THSD4: variants seen among roughly 807,000 people sequenced by gnomAD.
THSD4 encodes thrombospondin type 1 domain containing 4, also known as thrombospondin type-1 domain-containing protein 4.
A neutral mutation model predicts 119.0 loss-of-function variants in THSD4; 69 were observed. The observed-to-expected ratio is 0.58, with a 90% CI of 0.48 to 0.71. The LOEUF (loss-of-function observed/expected upper bound fraction) is 0.71, where lower values mean the gene tolerates loss of function less well. Ranked by LOEUF, THSD4 falls within the 30% of genes least tolerant of loss-of-function variation. The pLI, the probability that THSD4 is intolerant of heterozygous loss-of-function variation, is 0.00. For synonymous variants in THSD4, 524 were observed against 540.4 expected (o/e 0.97, Z 0.42); for missense variants, 1,393 against 1,391.1 (o/e 1.00, Z -0.02).
intron 7 of THSD4, among the ~76,000 whole-genome samples, chr15:71,548,250 T>C (rs778051755): frequency 1.3e-5 from 2 of 152,178 alleles, no homozygotes; most frequent in Admixed American, 1.3e-4. Flanking sequence ...ATTTCCCTCA[T>C]CCACTCCTTT....
intron 14 of THSD4, among the ~76,000 whole-genome samples, chr15:71,752,849 T>G (rs528500106): frequency 6.6e-6 from 1 of 152,356 alleles, no homozygotes; most frequent in East Asian, 1.9e-4. Flanking sequence ...GTTCAGCCCC[T>G]GGAATGACCA....
intron 6 of THSD4, among the ~76,000 whole-genome samples, chr15:71,268,623 A>G (rs1442431307): frequency 7.1e-6 from 1 of 141,220 alleles, no homozygotes; most frequent in East Asian, 2.0e-4. Context: ...GAACTGAAGG[A>G]GATAGAGACA....
intron 3 of THSD4, among the ~76,000 whole-genome samples, chr15:71,200,712 A>G (rs767174715): frequency 1.3e-5 from 2 of 152,196 alleles, no homozygotes; most frequent in Admixed American, 6.5e-5. Context: ...ATATTTTAGT[A>G]AACTTTATAG....
intron 6 of THSD4, among the ~76,000 whole-genome samples, chr15:71,354,459 T>C (rs182312519): frequency 1.3e-5 from 2 of 152,326 alleles, no homozygotes; most frequent in African/African-American, 2.4e-5. Context: ...TCTTTGTTTT[T>C]TAATTGTCAA....
At chr15:71,152,508 C>G (rs1378091260) in intron 2 of THSD4, among the ~76,000 whole-genome samples, 1 of 152,118 alleles carries the variant, frequency 6.6e-6, no homozygotes, top group Non-Finnish European at 1.5e-5. Context: ...AGCTTCTTTT[C>G]TCCTCTAAGC....
At chr15:71,348,507 A>G (rs912781452) in intron 6 of THSD4, 2 of 152,198 alleles carry the variant, frequency 1.3e-5, no homozygotes, top group Non-Finnish European at 2.9e-5. Context: ...GTTGGTTTTC[A>G]ACAGAGATAC....
intron 7 of THSD4, among the ~76,000 whole-genome samples, chr15:71,583,618 A>T (rs2049601217): frequency 6.6e-6 from 1 of 151,850 alleles, no homozygotes; most frequent in Non-Finnish European, 1.5e-5. Context: ...TTTTGTTTGT[A>T]TTAATATGTA....
chr15:71,607,271 G>C (rs530174847), intron 7 of THSD4, among the ~76,000 whole-genome samples: 34 of 152,302 alleles, frequency 2.2e-4, no homozygotes, highest in Admixed American at 3.9e-4. Context: ...AGAATAAGTG[G>C]TAATGAGGAA....
chr15:71,649,429 C>T (rs2051039423), intron 7 of THSD4, among the ~76,000 whole-genome samples: 1 of 152,156 alleles, frequency 6.6e-6, no homozygotes, highest in Non-Finnish European at 1.5e-5. Flanking sequence ...TGCCCACCAA[C>T]ATGCCTGGCT....
chr15:71,725,521 A>C (rs1470952327), intron 8 of THSD4, among the ~76,000 whole-genome samples: 1 of 152,316 alleles, frequency 6.6e-6, no homozygotes, highest in Non-Finnish European at 1.5e-5. Context: ...TGAGACAGAA[A>C]AGAAAACAGA....
chr15:71,457,379 C>CA lies in THSD4; in HGVS notation c.1152+45579dup, dbSNP rs10708714. 3.2e-3 allele frequency among the ~76,000 whole-genome samples: 161 copies of CA among 50,492 alleles called. 3 individuals carry two copies. The South Asian group carries it at 0.064, about 20-fold the overall frequency. 33.1% of individuals were successfully genotyped at this position (50,492 alleles called of 152,430 possible). The stretch of plus-strand genomic sequence containing the variant: ...TGGGTGGCAGAGTGAGATCTCGCCT[C>CA]AAAAAAAAAAAAAAAAAAAAAAAGC... On this transcript the variant is annotated intron_variant, in intron 7 of 17. Transcript: ENST00000261862.
chr15:71,644,206 C>A (rs1355586152), intron 7 of THSD4, among the ~76,000 whole-genome samples: 11 of 152,146 alleles, frequency 7.2e-5, no homozygotes, highest in Non-Finnish European at 1.6e-4. Context: ...TCTATGTTTT[C>A]TTCTGTTCTA....
intron 8 of THSD4, among the ~76,000 whole-genome samples, chr15:71,716,590 G>GT (rs11433832): frequency 0.56 from 80,334 of 143,760 alleles, 25,904 homozygotes; most frequent in East Asian, 0.84. Context: ...GTTGGTTTTT[G>GT]TTTTTTTTTT....
chr15:71,385,072 A>G (rs2046278535), intron 6 of THSD4, among the ~76,000 whole-genome samples: 1 of 152,200 alleles, frequency 6.6e-6, no homozygotes, highest in African/African-American at 2.4e-5. Flanking sequence ...ATTCTGTCAG[A>G]CATCTGAGGC....
intron 7 of THSD4, among the ~76,000 whole-genome samples, chr15:71,595,971 A>G (rs1012518101): frequency 2.0e-5 from 3 of 152,234 alleles, no homozygotes; most frequent in African/African-American, 7.2e-5. Context: ...CCGTTTCAGC[A>G]TCTGCTAACC....
chr15:71,292,258 G>A (rs544598436), intron 6 of THSD4, among the ~76,000 whole-genome samples: 4 of 151,868 alleles, frequency 2.6e-5, no homozygotes, highest in African/African-American at 9.7e-5. Flanking sequence ...CTGGCATTCC[G>A]GTACGTTGTG....
chr15:71,768,277 CA>C (rs112135859), intron 16 of THSD4, among the ~76,000 whole-genome samples: 1 of 49,408 alleles, frequency 2.0e-5, no homozygotes, highest in East Asian at 2.9e-4. Flanking sequence ...CAAAAAAAAC[CA>C]AAAAAAAACC....
chr15:71,738,088 G>A (rs776421295), intron 11 of THSD4, 81 bp downstream of exon 11: 327 of 1,533,162 alleles, frequency 2.1e-4, no homozygotes, highest in Non-Finnish European at 2.8e-4. Flanking sequence ...AGCGGTCCCC[G>A]GCTTTTTTGG....
intron 6 of THSD4, among the ~76,000 whole-genome samples, chr15:71,398,194 C>T (rs1423476871): frequency 6.6e-6 from 1 of 152,078 alleles, no homozygotes; most frequent in Non-Finnish European, 1.5e-5. Context: ...TTTATTTAGG[C>T]AGAGAATAGA....
Sources: gnomAD v4.1 joint callset for allele counts (sites outside exome capture counted in the v4.1 genomes callset) on GRCh38, gnomAD v4.1.1 for gene constraint, MANE v1.5 for transcripts, NCBI Gene and HGNC (gene_info 2026-07-23, HGNC 2026-07-21) for gene names.